NXPH1: variants seen among roughly 807,000 people sequenced by gnomAD.
NXPH1 encodes neurexophilin 1, also known as neurexophilin-1.
In NXPH1, 5 loss-of-function variants were observed where a neutral mutation model predicts 23.7. The observed-to-expected ratio is 0.21, with a 90% confidence interval of 0.11 to 0.44. The LOEUF is 0.44. Among genes scored for constraint, NXPH1 ranks in the 20% least tolerant of loss-of-function variants. The pLI, the probability that NXPH1 is intolerant of heterozygous loss-of-function variation, is 0.99. For synonymous variants in NXPH1, 144 were observed against 122.2 expected, an observed-to-expected ratio of 1.18 and a Z score of -1.18; for missense variants, 324 against 321.6, an observed-to-expected ratio of 1.01 and a Z score of -0.06.
intron 2 of NXPH1, among the ~76,000 whole-genome samples, chr7:8,589,231 A>G (rs1465146982): frequency 6.6e-6 from 1 of 152,130 alleles, no homozygotes; most frequent in South Asian, 2.1e-4. Context: ...GAAAATGGAC[A>G]CCTAAAATAG....
At chr7:8,461,836 CAAA>C (rs748848772) in intron 2 of NXPH1, among the ~76,000 whole-genome samples, 2 of 41,742 alleles carry the variant, frequency 4.8e-5, no homozygotes, top group Non-Finnish European at 4.9e-5. Flanking sequence ...GACTCCGTCT[CAAA>C]AAAAAAAAAA....
At chr7:8,632,454 C>T (rs761862780) in intron 2 of NXPH1, among the ~76,000 whole-genome samples, 1 of 152,124 alleles carries the variant, frequency 6.6e-6, no homozygotes, top group Non-Finnish European at 1.5e-5. Flanking sequence ...TCATTTCTGA[C>T]TACTTCGAGG....
intron 2 of NXPH1, among the ~76,000 whole-genome samples, chr7:8,510,980 A>G (rs1031319058): frequency 2.0e-5 from 3 of 152,056 alleles, no homozygotes; most frequent in African/African-American, 7.2e-5. Context: ...TACTAGTCTG[A>G]TCTTCTCTGC....
chr7:8,440,314 C>G (rs368295030), intron 2 of NXPH1, among the ~76,000 whole-genome samples: 8 of 152,324 alleles, frequency 5.3e-5, no homozygotes, highest in African/African-American at 1.9e-4. Context: ...GCCCCATTTC[C>G]AGAAGGATTA....
At chr7:8,661,609 A>T (rs1428611590) in intron 2 of NXPH1, among the ~76,000 whole-genome samples, 1 of 152,256 alleles carries the variant, frequency 6.6e-6, no homozygotes, top group South Asian at 2.1e-4. Flanking sequence ...TCTCCCTTGG[A>T]TACCTGAAAA....
intron 2 of NXPH1, among the ~76,000 whole-genome samples, chr7:8,566,984 T>C (rs1415858606): frequency 6.6e-6 from 1 of 151,884 alleles, no homozygotes; most frequent in East Asian, 1.9e-4. Context: ...AAGATTCATG[T>C]GGCCTAAAAT....
At chr7:8,597,956 A>G (rs1819264301) in intron 2 of NXPH1, among the ~76,000 whole-genome samples, 1 of 151,902 alleles carries the variant, frequency 6.6e-6, no homozygotes, top group Admixed American at 6.6e-5. Flanking sequence ...TGGTCCTATC[A>G]TTTGAGTGTA....
chr7:8,443,220 C>T (rs1434628436), intron 2 of NXPH1, among the ~76,000 whole-genome samples: 3 of 152,240 alleles, frequency 2.0e-5, no homozygotes, highest in Non-Finnish European at 1.5e-5. Flanking sequence ...TGCTTGCACC[C>T]CTCTCCATTA....
At chr7:8,602,591 A>C (rs1170239825) in intron 2 of NXPH1, among the ~76,000 whole-genome samples, 1 of 152,140 alleles carries the variant, frequency 6.6e-6, no homozygotes, top group East Asian at 1.9e-4. Context: ...CAGCTCATTT[A>C]TATTAAGCAT....
At chr7:8,490,990 A>C (rs1166262920) in intron 2 of NXPH1, among the ~76,000 whole-genome samples, 1 of 152,054 alleles carries the variant, frequency 6.6e-6, no homozygotes, top group African/African-American at 2.4e-5. Context: ...ATTTTGACAG[A>C]TGCTTATGAT....
At chr7:8,673,874 A>T (rs926801204) in intron 2 of NXPH1, among the ~76,000 whole-genome samples, 2 of 152,138 alleles carry the variant, frequency 1.3e-5, no homozygotes, top group African/African-American at 4.8e-5. Context: ...TGAGCATTGA[A>T]TATCTTCACA....
At chr7:8,438,799 G>C (rs1227028937) in intron 2 of NXPH1, among the ~76,000 whole-genome samples, 1 of 152,126 alleles carries the variant, frequency 6.6e-6, no homozygotes, top group South Asian at 2.1e-4. Flanking sequence ...TTCTGGGCCC[G>C]GGATTCTTTG....
chr7:8,465,790 A>G (rs1177468148), intron 2 of NXPH1, among the ~76,000 whole-genome samples: 1 of 152,240 alleles, frequency 6.6e-6, no homozygotes, highest in Non-Finnish European at 1.5e-5. Flanking sequence ...AGCTGGCTTC[A>G]TGTCACACAA....
At chr7:8,555,801 C>T (rs571341092) in intron 2 of NXPH1, among the ~76,000 whole-genome samples, 1 of 151,646 alleles carries the variant, frequency 6.6e-6, no homozygotes, top group Non-Finnish European at 1.5e-5. Context: ...CTGCCTGATT[C>T]CTGTGTGTCT....
Position 8,435,528 on chromosome 7 carries a change from C to A in NXPH1, c.-110-76C>A, listed in dbSNP as rs1258794026. On this transcript the variant is annotated intron_variant, in intron 1 of 2. Transcript: ENST00000405863. This position sits in a 1 kb window ranked among gnomAD's most constrained non-coding sequence, Gnocchi z 5.9. ...TTTGGTCCCCCACTCCCCGCTACGA[C>A]CCCCTTTCCCCGCTTGATTGTCAAG... 9 of 574,510 alleles carry A rather than the reference C, an allele frequency of 1.6e-5. No individual in the cohort carries two copies. In the East Asian group the frequency reaches 2.7e-4, roughly 17 times the overall value. The allele number at this position is 574,510 out of a possible 1,614,324, so 35.6% of individuals were successfully genotyped here. A position where few individuals can be genotyped will look rare whatever the true frequency, so the allele number is the denominator to read the frequency against.
chr7:8,597,680 G>T (rs1050302865), intron 2 of NXPH1, among the ~76,000 whole-genome samples: 9 of 125,592 alleles, frequency 7.2e-5, no homozygotes, highest in Non-Finnish European at 1.1e-4. Flanking sequence ...ATGTAGTCAG[G>T]TCCAGGATGT....
At chr7:8,727,930 G>C (rs1181777468) in intron 2 of NXPH1, among the ~76,000 whole-genome samples, 1 of 151,686 alleles carries the variant, frequency 6.6e-6, no homozygotes, top group Non-Finnish European at 1.5e-5. Context: ...ACCTTGGGCA[G>C]TATGGCCATT....
intron 2 of NXPH1, among the ~76,000 whole-genome samples, chr7:8,447,626 A>G (rs1310531664): frequency 6.6e-6 from 1 of 152,204 alleles, no homozygotes; most frequent in Non-Finnish European, 1.5e-5. Flanking sequence ...CTGAGCTACC[A>G]CTTTTGGATC....
At chr7:8,607,899 C>T (rs1466028422) in intron 2 of NXPH1, among the ~76,000 whole-genome samples, 3 of 152,176 alleles carry the variant, frequency 2.0e-5, no homozygotes, top group East Asian at 1.9e-4. Context: ...CTGGTGCCCT[C>T]GTGAGGTGAG....
Sources: allele counts gnomAD v4.1 joint callset (sites outside exome capture counted in the v4.1 genomes callset), GRCh38; gene constraint gnomAD v4.1.1; non-coding constraint Gnocchi (gnomAD v3.1); transcripts MANE v1.5; gene names NCBI Gene and HGNC (gene_info 2026-07-23, HGNC 2026-07-21).